TPD52L2: variants seen among roughly 807,000 people sequenced by gnomAD.
The protein encoded by TPD52L2 is TPD52 like 2.
In TPD52L2, 19 loss-of-function variants were observed where a neutral mutation model predicts 24.7. That is an observed-to-expected ratio of 0.77 (90% CI 0.54 to 1.13). The LOEUF (loss-of-function observed/expected upper bound fraction) is 1.13. TPD52L2 is among the 50% of genes most tolerant of loss of function. TPD52L2 has a pLI of 0.00. For missense variants in TPD52L2, 236 were observed against 250.4 expected (o/e 0.94, Z 0.39); for synonymous variants, 104 against 100.2 (o/e 1.04, Z -0.23).
At chr20:63,886,668 T>C (rs1276675276) in intron 5 of TPD52L2, among the ~76,000 whole-genome samples, 2 of 144,762 alleles carry the variant, frequency 1.4e-5, no homozygotes, top group Non-Finnish European at 3.0e-5. Flanking sequence ...TTTTTTTTGT[T>C]GGAGTCTCGC....
intron 5 of TPD52L2, chr20:63,887,472 C>T (rs2053174626): frequency 7.2e-7 from 1 of 1,387,274 alleles, no homozygotes; most frequent in South Asian, 1.2e-5. Context: ...GGGGGAATCC[C>T]AGCTCTGCCC....
intron 1 of TPD52L2, among the ~76,000 whole-genome samples, chr20:63,868,125 C>G (rs1330164529): frequency 6.6e-6 from 1 of 152,128 alleles, no homozygotes; most frequent in Non-Finnish European, 1.5e-5. Flanking sequence ...TTTGGTCAAG[C>G]TGGTCTCGAA....
rs1464386771 is a variant in TPD52L2 at position 63,890,425 on chromosome 20, A to G, written c.*480A>G. ...TTTTTATCTCAAAATGCCGAACGAG[A>G]AAACTGTCCATTTTCTGAGACCCCC... On this transcript the variant is annotated 3_prime_UTR_variant, in exon 7 of 7. Coordinates refer to ENST00000346249, the MANE Select transcript of TPD52L2 (RefSeq NM_003288.4). 1 of 163,818 alleles carries G rather than the reference A, an allele frequency of 6.1e-6. No individual in the cohort carries two copies. Among genetic ancestry groups the G allele is most frequent in the Admixed American group, 6.4e-5 (1 of 15,562 alleles). The allele number at this position is 163,818 out of a possible 1,614,324, so 10.1% of individuals were successfully genotyped here. A position where few individuals can be genotyped will look rare whatever the true frequency, so the allele number is the denominator to read the frequency against.
At chr20:63,885,473 G>A (rs1169324369) in intron 5 of TPD52L2, among the ~76,000 whole-genome samples, 4 of 152,224 alleles carry the variant, frequency 2.6e-5, no homozygotes, top group East Asian at 1.9e-4. Flanking sequence ...CCAGGTTGGC[G>A]TCTGTGGGCA....
Position 63,877,182 on chromosome 20 carries a change from C to T in TPD52L2, c.374+1307C>T, listed in dbSNP as rs774309951. ...CTGGGACTACAGGCGCCCGCCACCA[C>T]GCCCGGCTAATTTTTTCTATTTTTA... On this transcript the variant is annotated intron_variant, in intron 4 of 6. Transcript: ENST00000346249. The surrounding 1 kb of genome is among the most constrained non-coding windows in gnomAD (Gnocchi z 4.1). 3.1e-4 allele frequency: 107 copies of T among 346,934 alleles called. 1 individual carries two copies. The highest frequency in any genetic ancestry group is 1.4e-3 in the South Asian group (64 of 45,920). The allele number at this position is 346,934 out of a possible 1,614,324, so 21.5% of individuals were successfully genotyped here.
At chr20:63,886,346 G>A (rs1226211020) in intron 5 of TPD52L2, among the ~76,000 whole-genome samples, 1 of 151,604 alleles carries the variant, frequency 6.6e-6, no homozygotes, top group Non-Finnish European at 1.5e-5. Context: ...CCAGGCCTGA[G>A]TTTACTCCTG....
Position 63,870,520 on chromosome 20 carries a change from G to GTTTTTT in TPD52L2, c.165+1099_165+1104dup, listed in dbSNP as rs959786861. On this transcript the variant is annotated intron_variant, in intron 2 of 6. Coordinates refer to ENST00000346249, the MANE Select transcript of TPD52L2 (RefSeq NM_003288.4). ...CAGAGTTGAATTACAATAAGGTGAA[G>GTTTTTT]TTTTTTTTTTTTTTTTTTTTTTTTT... is the stretch of plus-strand genomic sequence containing the variant. Among the ~76,000 whole-genome samples the GTTTTTT allele has an allele frequency of 1.8e-3, 170 of 94,522 alleles. 2 individuals are homozygous for GTTTTTT. The highest frequency in any genetic ancestry group is 8.1e-3 in the Middle Eastern group (1 of 124). 62.0% of individuals were successfully genotyped at this position (94,522 alleles called of 152,430 possible).
intron 1 of TPD52L2, 49 bp downstream of exon 1, chr20:63,865,433 G>A: frequency 2.7e-6 from 4 of 1,499,236 alleles, no homozygotes; most frequent in East Asian, 2.7e-5. Flanking sequence ...CAGGCTGCCC[G>A]TTGTTCTCCG....
rs2053244815 is a variant in TPD52L2 at position 63,889,231 on chromosome 20, C to T, written c.518C>T (p.Thr173Ile). 1 of 1,612,742 alleles carries T rather than the reference C, an allele frequency of 6.2e-7. No individual in the cohort carries two copies. The highest frequency in any genetic ancestry group is 1.1e-5 in the South Asian group (1 of 90,670). The change falls in exon 6 of 7, where the codon ACC (threonine) becomes ATC (isoleucine). Residue 173 changes from threonine (T) to isoleucine (I), a missense_variant. Physicochemically the swap from Thr to Ile is moderately conservative, Grantham distance 89. Coordinates refer to ENST00000346249, the MANE Select transcript of TPD52L2 (RefSeq NM_003288.4). ...AAGTCGTTTGAGGACCGAGTTGGGA[C>T]CATAAAGGTAATTGTACCTGGACTG... ...TFKSFEDRVG[T>I]IKSKVVGDRE...
rs1323951857 is a variant in TPD52L2 at position 63,866,031 on chromosome 20, C to T, written c.19+647C>T. On this transcript the variant is annotated intron_variant, in intron 1 of 6. Coordinates refer to ENST00000346249, the MANE Select transcript of TPD52L2 (RefSeq NM_003288.4). ...TGGAGCGAGCCCAGGAGATTAAAAT[C>T]TTGAGAAGATGATAAAAGTCTGCCT... Among the ~76,000 whole-genome samples, 5 of 152,210 alleles carry T rather than the reference C, an allele frequency of 3.3e-5. No homozygotes were observed. In the East Asian group the frequency reaches 5.8e-4, roughly 18 times the overall value.
intron 1 of TPD52L2, among the ~76,000 whole-genome samples, chr20:63,867,371 G>C (rs2052291378): frequency 6.6e-6 from 1 of 152,158 alleles, no homozygotes; most frequent in Admixed American, 6.5e-5. Flanking sequence ...TTTGAGACCA[G>C]CCTAACCAAC....
At chr20:63,873,927 G>A (rs770295033) in intron 3 of TPD52L2, 111 bp downstream of exon 3, 6 of 1,257,936 alleles carry the variant, frequency 4.8e-6, no homozygotes, top group Non-Finnish European at 6.3e-6. Context: ...CAGCCGTGGA[G>A]TTGAGTGGCC....
chr20:63,865,720 C>T (rs184081645), intron 1 of TPD52L2, among the ~76,000 whole-genome samples: 2,689 of 140,476 alleles, frequency 0.019, 93 homozygotes, highest in African/African-American at 0.062. Flanking sequence ...CCACCCCGTG[C>T]CCTGCTCTTG....
intron 5 of TPD52L2, chr20:63,887,443 C>G: frequency 9.1e-7 from 1 of 1,098,474 alleles, no homozygotes; most frequent in Admixed American, 1.7e-5. Context: ...GCAGGCAGCT[C>G]GCTCCAACTG....
intron 5 of TPD52L2, among the ~76,000 whole-genome samples, chr20:63,885,175 G>T (rs1044160523): frequency 6.6e-6 from 1 of 152,228 alleles, no homozygotes; most frequent in East Asian, 1.9e-4. Context: ...GCTGCCCAAC[G>T]CCCGTGTCCA....
intron 4 of TPD52L2, among the ~76,000 whole-genome samples, chr20:63,878,147 A>T (rs1322495604): frequency 6.6e-6 from 1 of 152,256 alleles, no homozygotes; most frequent in Non-Finnish European, 1.5e-5. Flanking sequence ...GGAAGGCAGT[A>T]AAAGCTCCCT....
chr20:63,865,276 G>T lies in TPD52L2; in HGVS notation c.-90G>T. On this transcript the variant is annotated 5_prime_UTR_variant, in exon 1 of 7. Transcript: ENST00000346249. Reference sequence around the variant, plus strand: ...AACGCCGCGGAGCTGAGGCAGTTCCGCTGGCTAGTGTGTACGCGGCGAGCT... The same window carrying T: ...AACGCCGCGGAGCTGAGGCAGTTCCTCTGGCTAGTGTGTACGCGGCGAGCT... The T allele has an allele frequency of 7.2e-7, 1 of 1,395,180 alleles. No individual in the cohort carries two copies. Among genetic ancestry groups the T allele is most frequent in the Non-Finnish European group, 9.4e-7 (1 of 1,063,618 alleles). 86.4% of individuals were successfully genotyped at this position (1,395,180 alleles called of 1,614,324 possible). A position where few individuals can be genotyped will look rare whatever the true frequency, so the allele number is the denominator to read the frequency against.
intron 2 of TPD52L2, among the ~76,000 whole-genome samples, chr20:63,870,251 C>A (rs1455876539): frequency 6.6e-6 from 1 of 152,188 alleles, no homozygotes; most frequent in Admixed American, 6.6e-5. Context: ...GTCAAACCAA[C>A]TGCCAAGAGT....
At chr20:63,865,821 C>T (rs1056272412) in intron 1 of TPD52L2, among the ~76,000 whole-genome samples, 5 of 151,844 alleles carry the variant, frequency 3.3e-5, no homozygotes, top group African/African-American at 9.7e-5. Flanking sequence ...GGGCGGCTCC[C>T]GAGCAGAGAA....
Sources: gnomAD v4.1 joint callset for allele counts (sites outside exome capture counted in the v4.1 genomes callset) on GRCh38, gnomAD v4.1.1 for gene constraint, Gnocchi (gnomAD v3.1) non-coding constraint, MANE v1.5 for transcripts, NCBI Gene and HGNC (gene_info 2026-07-23, HGNC 2026-07-21) for gene names.